Variants in AUTS2 observed in about 807,000 individuals in gnomAD.
AUTS2 encodes autism susceptibility gene 2 protein.
AUTS2 carries 17 observed loss-of-function variants against 112.4 expected under a neutral mutation model. The ratio of observed to expected loss-of-function variants is 0.15; its 90% CI spans 0.10 to 0.23. The LOEUF is 0.23. AUTS2 is among the 10% of genes least tolerant of loss of function. The pLI, the probability that AUTS2 is intolerant of heterozygous loss-of-function variation, is 1.00. For missense variants in AUTS2, 1,510 were observed against 1,701.6 expected, an observed-to-expected ratio of 0.89 and a Z score of 1.98; for synonymous variants, 751 against 702.7, an observed-to-expected ratio of 1.07 and a Z score of -1.09.
intron 4 of AUTS2, among the ~76,000 whole-genome samples, chr7:70,302,655 C>T (rs533412109): frequency 6.6e-6 from 1 of 151,936 alleles, no homozygotes; most frequent in African/African-American, 2.4e-5. Context: ...ATAATAAAAC[C>T]ACCAGCTTGC....
At chr7:70,072,020 G>T (rs1024285288) in intron 2 of AUTS2, among the ~76,000 whole-genome samples, 2 of 152,196 alleles carry the variant, frequency 1.3e-5, no homozygotes, top group Non-Finnish European at 2.9e-5. Context: ...AACTCTGCAG[G>T]CCCTATTACT....
chr7:70,008,814 A>G (rs1040014545), intron 2 of AUTS2, among the ~76,000 whole-genome samples: 31 of 152,234 alleles, frequency 2.0e-4, no homozygotes, highest in Non-Finnish European at 2.6e-4. Flanking sequence ...TGAAATCTAT[A>G]TAAACATGAT....
At chr7:70,686,830 A>G (rs1351278750) in intron 5 of AUTS2, among the ~76,000 whole-genome samples, 1 of 152,180 alleles carries the variant, frequency 6.6e-6, no homozygotes, top group Non-Finnish European at 1.5e-5. Context: ...CCACTGCGCC[A>G]GACCCGAAAG....
At chr7:70,601,595 A>G (rs1803472569) in intron 5 of AUTS2, among the ~76,000 whole-genome samples, 1 of 152,194 alleles carries the variant, frequency 6.6e-6, no homozygotes, top group Admixed American at 6.5e-5. Flanking sequence ...ACACGGTGTG[A>G]CTTGCTAGGA....
At chr7:69,811,500 C>T (rs1790540527) in intron 1 of AUTS2, among the ~76,000 whole-genome samples, 1 of 152,134 alleles carries the variant, frequency 6.6e-6, no homozygotes, top group Non-Finnish European at 1.5e-5. Flanking sequence ...GCCTCCCTTT[C>T]TGATCTTATT....
intron 1 of AUTS2, among the ~76,000 whole-genome samples, chr7:69,637,400 G>C (rs1268515980): frequency 1.3e-5 from 2 of 152,212 alleles, no homozygotes; most frequent in African/African-American, 4.8e-5. Flanking sequence ...TATTGACTCA[G>C]AAGTGGATTA....
chr7:70,530,204 A>G (rs1413654012), intron 5 of AUTS2, among the ~76,000 whole-genome samples: 1 of 152,184 alleles, frequency 6.6e-6, no homozygotes, highest in Non-Finnish European at 1.5e-5. Flanking sequence ...GCTGTGTGCA[A>G]ATGCATATCC....
At chr7:69,606,053 T>G (rs181321454) in intron 1 of AUTS2, among the ~76,000 whole-genome samples, 8 of 152,300 alleles carry the variant, frequency 5.3e-5, no homozygotes, top group Non-Finnish European at 7.3e-5. Context: ...ACCTTTTTTT[T>G]GGAATTAGAA....
intron 18 of AUTS2, 118 bp downstream of exon 18, chr7:70,787,549 C>G (rs765106424): frequency 6.1e-5 from 42 of 689,148 alleles, no homozygotes; most frequent in Non-Finnish European, 9.6e-5. Context: ...CCCCGGTAGC[C>G]TCAGCTCCTC....
chr7:69,737,302 C>G (rs146360548), intron 1 of AUTS2, among the ~76,000 whole-genome samples: 4,023 of 152,118 alleles, frequency 0.026, 67 homozygotes, highest in Middle Eastern at 0.11. Flanking sequence ...ATTAATGTAC[C>G]AAGTACTGTG....
At position 70,220,288 on chromosome 7, in the gene AUTS2, G is replaced by A. The variant is rs569547205; in HGVS notation, c.660+85717G>A. ...TATAAAAGCCATTCTTAGCTCATGG[G>A]TTATACAAAAGGCAGGGGTGTGGAT... On this transcript the variant is annotated intron_variant, in intron 4 of 18. Coordinates refer to ENST00000342771, the MANE Select transcript of AUTS2 (RefSeq NM_015570.4). Among the ~76,000 whole-genome samples, 12 of 152,202 alleles carry A rather than the reference G, an allele frequency of 7.9e-5. No individual in the cohort carries two copies. The South Asian group carries it at 2.5e-3, about 32-fold the overall frequency.
intron 4 of AUTS2, among the ~76,000 whole-genome samples, chr7:70,329,200 T>C (rs1790633609): frequency 6.6e-6 from 1 of 152,210 alleles, no homozygotes; most frequent in East Asian, 1.9e-4. Context: ...TTTGGGCTGT[T>C]TATACCTTTT....
chr7:70,458,821 T>C (rs1796850266), intron 5 of AUTS2, among the ~76,000 whole-genome samples: 2 of 152,240 alleles, frequency 1.3e-5, no homozygotes, highest in Non-Finnish European at 2.9e-5. Context: ...GTTGTGGAGC[T>C]TCTTGACAAT....
chr7:70,149,575 A>C (rs1353914104), intron 4 of AUTS2, among the ~76,000 whole-genome samples: 1 of 152,068 alleles, frequency 6.6e-6, no homozygotes, highest in Non-Finnish European at 1.5e-5. Context: ...AGCCACACAC[A>C]TCTCTTATGC....
intron 2 of AUTS2, among the ~76,000 whole-genome samples, chr7:70,030,190 C>A (rs950884097): frequency 3.9e-5 from 6 of 152,172 alleles, no homozygotes; most frequent in Admixed American, 6.5e-5. Flanking sequence ...GCCTCCCTAT[C>A]TGCATCACGT....
chr7:70,253,629 A>G (rs1786714698), intron 4 of AUTS2, among the ~76,000 whole-genome samples: 2 of 152,176 alleles, frequency 1.3e-5, no homozygotes, highest in South Asian at 4.1e-4. Flanking sequence ...CCTCTAGTGA[A>G]ACTACCTGTG....
intron 1 of AUTS2, among the ~76,000 whole-genome samples, chr7:69,847,748 C>T (rs996182450): frequency 6.6e-6 from 1 of 152,036 alleles, no homozygotes; most frequent in Non-Finnish European, 1.5e-5. Flanking sequence ...AACGTGAGAG[C>T]GAGGAGGGAG....
intron 4 of AUTS2, among the ~76,000 whole-genome samples, chr7:70,377,561 C>CACCA (rs1793170665): frequency 6.6e-6 from 1 of 150,682 alleles, no homozygotes; most frequent in Non-Finnish European, 1.5e-5. Flanking sequence ...GTACAGCCAT[C>CACCA]ACCACTGTTC....
At chr7:70,449,206 C>G (rs189009763) in intron 5 of AUTS2, among the ~76,000 whole-genome samples, 25 of 152,324 alleles carry the variant, frequency 1.6e-4, no homozygotes, top group African/African-American at 6.0e-4. Flanking sequence ...TATTTTTGCC[C>G]GTCCACTTGA....
Sources: gnomAD v4.1 joint callset for allele counts (sites outside exome capture counted in the v4.1 genomes callset) on GRCh38, gnomAD v4.1.1 for gene constraint, MANE v1.5 for transcripts, NCBI Gene and HGNC (gene_info 2026-07-23, HGNC 2026-07-21) for gene names.